The following PADI2 variants were observed in gnomAD, a reference collection of about 807,000 sequenced individuals.
PADI2 encodes the protein peptidyl arginine deiminase 2, also known as protein-arginine deiminase type-2.
PADI2 carries 70 observed loss-of-function variants against 81.1 expected under a neutral mutation model. The observed-to-expected ratio is 0.86, with a 90% confidence interval of 0.71 to 1.05. The LOEUF (loss-of-function observed/expected upper bound fraction) is 1.05. PADI2 is among the 50% of genes least tolerant of loss of function. The probability of loss-of-function intolerance (pLI) is 0.00; values close to 1 mark genes in which losing one functional copy is unlikely to be tolerated. For missense variants in PADI2, 853 were observed against 889.9 expected (o/e 0.96, Z 0.53); for synonymous variants, 338 against 358.0 (o/e 0.94, Z 0.63).
intron 1 of PADI2, among the ~76,000 whole-genome samples, chr1:17,112,524 G>T (rs1048361749): frequency 1.0e-4 from 2 of 20,078 alleles, no homozygotes; most frequent in Admixed American, 7.1e-4. Flanking sequence ...AGAGGAGTCT[G>T]GGGGGGGGAG....
chr1:17,083,839 T>A lies in PADI2; in HGVS notation c.939-2A>T. ...AGGAACAGGTAATTATCCTTCATGC[T>A]GAGAAGTTGGGGGAAGAAGGAGAGG... On this transcript the variant is annotated splice_acceptor_variant, in intron 8 of 15. Transcript: ENST00000375486. LOFTEE classifies it high-confidence loss of function. 6.3e-7 allele frequency: 1 copy of A among 1,589,070 alleles called. No homozygotes were observed. Among genetic ancestry groups the A allele is most frequent in the Non-Finnish European group, 8.6e-7 (1 of 1,157,260 alleles).
At chr1:17,086,822 G>T in intron 6 of PADI2, 123 bp from the exon 7 acceptor site, 1 of 751,284 alleles carries the variant, frequency 1.3e-6, no homozygotes, top group Non-Finnish European at 2.2e-6. Context: ...AAAAGCACAA[G>T]CAGAAAATGC....
chr1:17,096,005 T>C (rs1464414529), intron 3 of PADI2, 35 bp from the exon 4 acceptor site: 5 of 1,569,452 alleles, frequency 3.2e-6, no homozygotes, highest in Non-Finnish European at 4.4e-6. Context: ...TTGCTGAGCC[T>C]GCCAGGCAGG....
intron 6 of PADI2, among the ~76,000 whole-genome samples, chr1:17,091,326 C>T (rs1206327438): frequency 6.6e-6 from 1 of 150,570 alleles, no homozygotes; most frequent in African/African-American, 2.5e-5. Context: ...CCCGCCACCC[C>T]ACGACCCGCC....
At position 17,083,709 on chromosome 1, in the gene PADI2, G is replaced by C. The variant is rs1297745354; in HGVS notation, c.1050+17C>G. The C allele has an allele frequency of 6.5e-7, 1 of 1,528,650 alleles. No homozygotes were observed. Among genetic ancestry groups the C allele is most frequent in the African/African-American group, 1.4e-5 (1 of 73,224 alleles). 94.7% of individuals were successfully genotyped at this position (1,528,650 alleles called of 1,614,324 possible). On this transcript the variant is annotated intron_variant, in intron 9 of 15. Transcript: ENST00000375486. ...CCGGGGGCCATGTCCTTCCCAGCCTGGACCTGGGCTCCTTACCTGGATCCA... is the reference window on the plus strand; with the variant it reads ...CCGGGGGCCATGTCCTTCCCAGCCTCGACCTGGGCTCCTTACCTGGATCCA...
rs756403930 is a variant in PADI2 at position 17,102,976 on chromosome 1, T to A, written c.349+11A>T. On this transcript the variant is annotated intron_variant, in intron 3 of 15. Transcript: ENST00000375486. ...GATGAAGGCACTGAGACGGCAACCA[T>A]GCCAACTCACCAATGGCTGTGAGGA... 3 of 1,605,012 alleles carry A rather than the reference T, an allele frequency of 1.9e-6. No homozygotes were observed. Among genetic ancestry groups the A allele is most frequent in the South Asian group, 2.2e-5 (2 of 90,152 alleles).
intron 12 of PADI2, 188 bp from the exon 13 acceptor site, chr1:17,075,137 C>T (rs2078292355): frequency 3.9e-6 from 2 of 511,868 alleles, no homozygotes; most frequent in Non-Finnish European, 7.0e-6. Flanking sequence ...TCCTCTACCT[C>T]AGCAATGTCA....
At position 17,101,819 on chromosome 1, in the gene PADI2, A is replaced by C. The variant is rs192846414; in HGVS notation, c.349+1168T>G. Among the ~76,000 whole-genome samples the C allele has an allele frequency of 9.8e-5, 15 of 152,302 alleles. No individual in the cohort carries two copies. The East Asian group carries it at 2.9e-3, about 29-fold the overall frequency. The stretch of plus-strand genomic sequence containing the variant: ...AACCATTTTCTGGAGATGTAGCTGC[A>C]GGCAAGTATTTGTTTTACCTTTTCT... On this transcript the variant is annotated intron_variant, in intron 3 of 15. Coordinates refer to ENST00000375486, the MANE Select transcript of PADI2 (RefSeq NM_007365.3).
chr1:17,109,942 G>A (rs1017752920), intron 1 of PADI2, among the ~76,000 whole-genome samples: 3 of 152,192 alleles, frequency 2.0e-5, no homozygotes, highest in African/African-American at 4.8e-5. Context: ...CTGGACCAGA[G>A]AGAAACCAAA....
chr1:17,084,547 G>A, intron 8 of PADI2, 52 bp downstream of exon 8: 2 of 1,120,952 alleles, frequency 1.8e-6, no homozygotes, highest in Non-Finnish European at 2.6e-6. Flanking sequence ...CATCTGACTC[G>A]GCCCTTGGCC....
rs77691824 is a variant in PADI2 at position 17,104,850 on chromosome 1, G to A, written c.276+28C>T. ...TCTATCCTGGCATGGTCCCGGGCCC[G>A]CAGAGGCTGGACTTCCCGCCGTGGT... On this transcript the variant is annotated intron_variant, in intron 2 of 15. Transcript: ENST00000375486. 1.6e-3 allele frequency: 2,410 copies of A among 1,533,932 alleles called. 30 individuals are homozygous for A. In the African/African-American group the frequency reaches 0.028, roughly 18 times the overall value.
intron 3 of PADI2, among the ~76,000 whole-genome samples, chr1:17,100,213 C>G (rs575430392): frequency 6.6e-6 from 1 of 152,208 alleles, no homozygotes; most frequent in East Asian, 1.9e-4. Flanking sequence ...TCTGTTGGAA[C>G]AGGAAACAGA....
intron 3 of PADI2, among the ~76,000 whole-genome samples, chr1:17,096,727 G>T (rs1185374834): frequency 6.6e-6 from 1 of 152,188 alleles, no homozygotes; most frequent in Admixed American, 6.5e-5. Context: ...AGACAAGGTG[G>T]GGTTTAGACC....
In PADI2 at chr1:17,071,453, T is replaced by A. The variant is rs747711026; in HGVS notation, c.1588A>T (p.Lys530Ter). ...GMSSKRITIN[K>*]ILSNESLVQE... ...ACAAGGCTCTCGTTGGACAGAATCT[T>A]GTTGATGGTGATTCGCTTGCTGCTC... is the stretch of plus-strand genomic sequence containing the variant. The change falls in exon 14 of 16, where the codon AAG becomes TAG. Residue 530 changes from lysine (K) to a stop codon, truncating the protein, a stop_gained. Transcript: ENST00000375486. LOFTEE classifies it high-confidence loss of function. 7.4e-6 allele frequency: 12 copies of A among 1,614,116 alleles called. No homozygotes were observed. Among genetic ancestry groups the A allele is most frequent in the Middle Eastern group, 1.7e-4 (1 of 6,054 alleles).
chr1:17,069,168 A>G lies in PADI2; in HGVS notation c.1874T>C (p.Leu625Pro), dbSNP rs757996621. The G allele has an allele frequency of 7.4e-6, 12 of 1,614,126 alleles. No individual in the cohort carries two copies. The highest frequency in any genetic ancestry group is 1.6e-4 in the Middle Eastern group (1 of 6,084). The change falls in exon 16 of 16, where the codon CTG (leucine) becomes CCG (proline). Residue 625 changes from leucine (L) to proline (P), a missense_variant. Transcript: ENST00000375486. ...EMHVRGLLEP[L>P]GLECTFIDDI... ...GTCGATGAAGGTGCATTCGAGGCCC[A>G]GGGGCTCCAGGAGGCCACGCACGTG...
intron 1 of PADI2, among the ~76,000 whole-genome samples, chr1:17,107,082 CTT>C (rs779577608): frequency 2.0e-5 from 3 of 152,296 alleles, no homozygotes; most frequent in Non-Finnish European, 1.5e-5. Context: ...GGGCTGGCGG[CTT>C]TGCTAAATCC....
At chr1:17,082,055 G>A (rs2078348462) in intron 10 of PADI2, among the ~76,000 whole-genome samples, 1 of 152,150 alleles carries the variant, frequency 6.6e-6, no homozygotes, top group Non-Finnish European at 1.5e-5. Flanking sequence ...GGAAGTTGCA[G>A]TGAGCCACTG....
rs543755154 is a variant in PADI2, at chr1:17,086,658, G to A, written c.697C>T (p.Arg233Trp). The part of the protein sequence containing the change: ...GQRYIHILGR[R>W]KLYHVVKYTG... ...TACTTGACCACATGGTAGAGCTTCC[G>A]CCGGCCCAGGATGTGGATATAGCGT... The change falls in exon 7 of 16, where the codon CGG becomes TGG. Residue 233 changes from arginine to tryptophan, a missense_variant. Coordinates refer to ENST00000375486, the MANE Select transcript of PADI2 (RefSeq NM_007365.3). The A allele has an allele frequency of 4.0e-5, 64 of 1,614,008 alleles. No homozygotes were observed. The South Asian group carries it at 4.7e-4, about 12-fold the overall frequency.
At chr1:17,103,470 G>A (rs1413024064) in intron 2 of PADI2, among the ~76,000 whole-genome samples, 1 of 152,156 alleles carries the variant, frequency 6.6e-6, no homozygotes, top group Admixed American at 6.5e-5. Context: ...AACCCAGAAA[G>A]GAGACAGTTC....
Sources: allele counts gnomAD v4.1 joint callset (sites outside exome capture counted in the v4.1 genomes callset), GRCh38; gene constraint gnomAD v4.1.1; transcripts MANE v1.5; gene names NCBI Gene and HGNC (gene_info 2026-07-23, HGNC 2026-07-21).